SYT11: variants seen among roughly 807,000 people sequenced by gnomAD.
The protein encoded by SYT11 is synaptotagmin-11.
A neutral mutation model predicts 30.4 loss-of-function variants in SYT11; 12 were observed. That is an observed-to-expected ratio of 0.39 (90% CI 0.25 to 0.64). SYT11 has a LOEUF of 0.64. Ranked by LOEUF, SYT11 falls within the 30% of genes least tolerant of loss-of-function variation. The pLI is 0.45. For synonymous variants in SYT11, 204 were observed against 216.0 expected (o/e 0.94, Z 0.49); for missense variants, 412 against 552.0 (o/e 0.75, Z 2.54).
chr1:155,885,116 C>T lies in SYT11; in HGVS notation c.*3608C>T, dbSNP rs1214243442. The T allele has an allele frequency of 6.6e-6, 1 of 152,402 alleles. No individual in the cohort carries two copies. 9.4% of individuals were successfully genotyped at this position (152,402 alleles called of 1,614,324 possible). A position where few individuals can be genotyped will look rare whatever the true frequency, so the allele number is the denominator to read the frequency against. ...TGCATAATGCTGTAATGCTAATCTA[C>T]AATATGTAATGCTATCTTGTATGTT... is the stretch of plus-strand genomic sequence containing the variant. On this transcript the variant is annotated 3_prime_UTR_variant, in exon 4 of 4. Transcript: ENST00000368324.
At position 155,881,717 on chromosome 1, in the gene SYT11, A is replaced by G. The variant is rs182551486; in HGVS notation, c.*209A>G. 47 of 453,866 alleles carry G rather than the reference A, an allele frequency of 1.0e-4. No individual in the cohort carries two copies. Among genetic ancestry groups the G allele is most frequent in the Non-Finnish European group, 1.7e-4 (45 of 258,378 alleles). 28.1% of individuals were successfully genotyped at this position (453,866 alleles called of 1,614,324 possible). ...TTTTTTTTCTGCTTTGCAAGGCGCTAGAATCTTTTATTTTACTTTATTTTT... is the reference window on the plus strand; with the variant it reads ...TTTTTTTTCTGCTTTGCAAGGCGCTGGAATCTTTTATTTTACTTTATTTTT... On this transcript the variant is annotated 3_prime_UTR_variant, in exon 4 of 4. Transcript: ENST00000368324.
chr1:155,881,711 G>A lies in SYT11; in HGVS notation c.*203G>A, dbSNP rs371815101. On this transcript the variant is annotated 3_prime_UTR_variant, in exon 4 of 4. Coordinates refer to ENST00000368324, the MANE Select transcript of SYT11 (RefSeq NM_152280.5). ...TGATGTTTTTTTTTCTGCTTTGCAA[G>A]GCGCTAGAATCTTTTATTTTACTTT... is the stretch of plus-strand genomic sequence containing the variant. 1 of 487,884 alleles carries A rather than the reference G, an allele frequency of 2.0e-6. No individual in the cohort carries two copies. Among genetic ancestry groups the A allele is most frequent in the Non-Finnish European group, 3.6e-6 (1 of 277,782 alleles). The allele number at this position is 487,884 out of a possible 1,614,324, so 30.2% of individuals were successfully genotyped here. A position where few individuals can be genotyped will look rare whatever the true frequency, so the allele number is the denominator to read the frequency against.
rs1673027820 is a variant in SYT11 at position 155,884,184 on chromosome 1, A to G, written c.*2676A>G. The G allele has an allele frequency of 6.5e-6, 1 of 152,724 alleles. No individual in the cohort carries two copies. The highest frequency in any genetic ancestry group is 2.1e-4 in the South Asian group (1 of 4,822). 9.5% of individuals were successfully genotyped at this position (152,724 alleles called of 1,614,324 possible). On this transcript the variant is annotated 3_prime_UTR_variant, in exon 4 of 4. Transcript: ENST00000368324. ...AACCCGCTTTTGTTTCCTTCCCAGA[A>G]ACAATGCAAAACAACAGGTGGAGAT...
Position 155,868,691 on chromosome 1 carries a change from G to C in SYT11, c.761G>C (p.Arg254Pro), listed in dbSNP as rs748972934. 1.2e-6 allele frequency: 2 copies of C among 1,614,162 alleles called. No individual in the cohort carries two copies. Among genetic ancestry groups the C allele is most frequent in the Non-Finnish European group, 8.5e-7 (1 of 1,180,028 alleles). Residue 254 changes from arginine to proline, a missense_variant, in exon 2 of 4, where the codon CGG becomes CCG. By Grantham distance (103) the Arg-to-Pro change is moderately radical. Transcript: ENST00000368324. The surrounding 1 kb of genome is among the most constrained non-coding windows in gnomAD (Gnocchi z 4.7). ...FLVLSFDRFS[R>P]DDVIGEVMVP... ...GTCCTCAGCTTTGACCGCTTCTCTCGGGATGATGTCATTGGCGAGGTCATG... is the reference window on the plus strand; with the variant it reads ...GTCCTCAGCTTTGACCGCTTCTCTCCGGATGATGTCATTGGCGAGGTCATG...
intron 2 of SYT11, among the ~76,000 whole-genome samples, chr1:155,875,043 A>G (rs1347447983): frequency 6.7e-6 from 1 of 149,854 alleles, no homozygotes; most frequent in African/African-American, 2.4e-5. Context: ...TCATGAGGTC[A>G]GGAGTTTGAG....
chr1:155,867,255 C>T (rs1043041059), intron 1 of SYT11, among the ~76,000 whole-genome samples: 5 of 152,124 alleles, frequency 3.3e-5, no homozygotes, highest in African/African-American at 9.7e-5. Flanking sequence ...GACGGGGTTT[C>T]ACCATGTTGG....
chr1:155,868,111 G>T lies in SYT11; in HGVS notation c.181G>T (p.Gly61Cys). The T allele has an allele frequency of 6.2e-7, 1 of 1,614,078 alleles. No individual in the cohort carries two copies. The highest frequency in any genetic ancestry group is 1.6e-4 in the Middle Eastern group (1 of 6,062). ...PPYKFIHMLK[G>C]ISIYPETLSN... ...ATACAAGTTTATTCACATGCTCAAAGGCATCAGCATATACCCAGAGACCCT... is the reference window on the plus strand; with the variant it reads ...ATACAAGTTTATTCACATGCTCAAATGCATCAGCATATACCCAGAGACCCT... The change falls in exon 2 of 4, where the codon GGC becomes TGC. Residue 61 changes from glycine (G) to cysteine (C), a missense_variant. Gly to Cys is a radical substitution (Grantham distance 159). Transcript: ENST00000368324. This position sits in a 1 kb window ranked among gnomAD's most constrained non-coding sequence, Gnocchi z 4.7.
At chr1:155,871,706 T>C (rs1370246776) in intron 2 of SYT11, among the ~76,000 whole-genome samples, 1 of 152,164 alleles carries the variant, frequency 6.6e-6, no homozygotes, top group African/African-American at 2.4e-5. Context: ...ACACATGCCC[T>C]GGAGAAGGCC....
intron 3 of SYT11, 145 bp downstream of exon 3, chr1:155,880,768 G>A: frequency 4.2e-6 from 4 of 955,906 alleles, no homozygotes; most frequent in South Asian, 1.6e-5. Flanking sequence ...TCTTCCTGAT[G>A]AGTATCTACG....
chr1:155,859,976 C>T (rs556414578), intron 1 of SYT11, among the ~76,000 whole-genome samples, 181 bp downstream of exon 1: 1 of 152,310 alleles, frequency 6.6e-6, no homozygotes, highest in Admixed American at 6.5e-5. Context: ...TGAACTTGAG[C>T]TATGGGCTGC....
intron 2 of SYT11, among the ~76,000 whole-genome samples, chr1:155,879,278 A>T (rs943154764): frequency 6.6e-6 from 1 of 151,446 alleles, no homozygotes; most frequent in Non-Finnish European, 1.5e-5. Context: ...TTAGCCGGGC[A>T]TGGTGGCGGG....
intron 1 of SYT11, among the ~76,000 whole-genome samples, chr1:155,863,720 A>T (rs1443830964): frequency 6.6e-6 from 1 of 152,102 alleles, no homozygotes; most frequent in Non-Finnish European, 1.5e-5. Flanking sequence ...CAGGAGTTCG[A>T]GACCAGCGTG....
chr1:155,867,212 C>T (rs1362799383), intron 1 of SYT11, among the ~76,000 whole-genome samples: 1 of 152,034 alleles, frequency 6.6e-6, no homozygotes, highest in Non-Finnish European at 1.5e-5. Flanking sequence ...CACATGCCAC[C>T]ACGCCCAGCT....
chr1:155,873,420 G>A (rs749694373), intron 2 of SYT11, among the ~76,000 whole-genome samples: 8 of 152,014 alleles, frequency 5.3e-5, no homozygotes, highest in East Asian at 3.9e-4. Context: ...GCAAGACTCC[G>A]TCTCAAAAAA....
At chr1:155,879,179 G>A (rs2102566442) in intron 2 of SYT11, among the ~76,000 whole-genome samples, 1 of 152,286 alleles carries the variant, frequency 6.6e-6, no homozygotes, top group Admixed American at 6.5e-5. Context: ...CACTTTGGGA[G>A]GCCGAGGTAG....
At chr1:155,872,024 A>G (rs1672788107) in intron 2 of SYT11, among the ~76,000 whole-genome samples, 1 of 152,168 alleles carries the variant, frequency 6.6e-6, no homozygotes, top group African/African-American at 2.4e-5. Context: ...TAGACCAGGA[A>G]AAAGCTACTG....
chr1:155,874,406 C>T (rs913271415), intron 2 of SYT11, among the ~76,000 whole-genome samples: 6 of 151,968 alleles, frequency 3.9e-5, no homozygotes, highest in African/African-American at 1.5e-4. Context: ...TTGAGACCAG[C>T]CTGGGCAACA....
At chr1:155,877,456 G>A (rs977491729) in intron 2 of SYT11, among the ~76,000 whole-genome samples, 2 of 151,804 alleles carry the variant, frequency 1.3e-5, no homozygotes, top group Non-Finnish European at 2.9e-5. Context: ...CTGAAGTGCA[G>A]TGGCTCAAAC....
chr1:155,873,202 C>T (rs997321564), intron 2 of SYT11, among the ~76,000 whole-genome samples: 1 of 152,046 alleles, frequency 6.6e-6, no homozygotes, highest in Non-Finnish European at 1.5e-5. Flanking sequence ...CCGAGGCAGG[C>T]GGATCACAAG....
Sources: gnomAD v4.1 joint callset for allele counts (sites outside exome capture counted in the v4.1 genomes callset) on GRCh38, gnomAD v4.1.1 for gene constraint, Gnocchi (gnomAD v3.1) non-coding constraint, MANE v1.5 for transcripts, NCBI Gene and HGNC (gene_info 2026-07-23, HGNC 2026-07-21) for gene names.